SHISA5: variants seen among roughly 807,000 people sequenced by gnomAD.
SHISA5 encodes the protein protein shisa-5.
In SHISA5, 21 loss-of-function variants were observed where a neutral mutation model predicts 27.5. The observed-to-expected ratio is 0.76, with a 90% CI of 0.54 to 1.10. The LOEUF (loss-of-function observed/expected upper bound fraction) is 1.10. Ranked by LOEUF, SHISA5 falls within the 50% of genes least tolerant of loss-of-function variation. The pLI is 0.00. For missense variants in SHISA5, 314 were observed against 336.3 expected, an observed-to-expected ratio of 0.93 and a Z score of 0.52; for synonymous variants, 137 against 142.2, an observed-to-expected ratio of 0.96 and a Z score of 0.26.
chr3:48,501,118 G>T lies in SHISA5; in HGVS notation c.233+19C>A. 6.2e-7 allele frequency: 1 copy of T among 1,601,878 alleles called. No homozygotes were observed. The highest frequency in any genetic ancestry group is 1.1e-5 in the South Asian group (1 of 89,520). On this transcript the variant is annotated intron_variant, in intron 2 of 5. Coordinates refer to ENST00000296444, the MANE Select transcript of SHISA5 (RefSeq NM_016479.6). The stretch of plus-strand genomic sequence containing the variant: ...CACAGGCTCAAGCCACCCACCCTGT[G>T]ACCCACTGGTGCACCCACCTGGCCT...
At chr3:48,478,780 T>C (rs1007359337) in intron 3 of SHISA5, among the ~76,000 whole-genome samples, 4 of 151,986 alleles carry the variant, frequency 2.6e-5, no homozygotes, top group African/African-American at 9.7e-5. Flanking sequence ...CCCATCACCA[T>C]CACCATTGTC....
intron 2 of SHISA5, among the ~76,000 whole-genome samples, chr3:48,494,966 A>G (rs976141524): frequency 1.4e-5 from 2 of 147,016 alleles, no homozygotes; most frequent in Non-Finnish European, 2.9e-5. Context: ...GTATGTAATT[A>G]TATATCTATT....
Position 48,468,994 on chromosome 3 carries a change from G to A in SHISA5, c.*113C>T. ...CACACACAGCACACATGGGGCGTAA[G>A]GAACCGTGCCTGGACACACACAGCA... On this transcript the variant is annotated 3_prime_UTR_variant, in exon 6 of 6. Transcript: ENST00000296444. The A allele has an allele frequency of 3.2e-6, 5 of 1,576,136 alleles. No individual in the cohort carries two copies. Among genetic ancestry groups the A allele is most frequent in the Non-Finnish European group, 4.3e-6 (5 of 1,157,894 alleles).
chr3:48,478,250 C>T (rs754629065), intron 3 of SHISA5, among the ~76,000 whole-genome samples: 5 of 152,156 alleles, frequency 3.3e-5, no homozygotes, highest in Non-Finnish European at 7.4e-5. Flanking sequence ...GGCACAGCTG[C>T]ACTTCTTCCC....
chr3:48,483,533 C>T (rs1027344527), intron 2 of SHISA5, among the ~76,000 whole-genome samples: 2 of 152,206 alleles, frequency 1.3e-5, no homozygotes, highest in African/African-American at 2.4e-5. Flanking sequence ...AATCTTTTCC[C>T]CACCTTTCCC....
At chr3:48,498,484 C>T (rs1006996335) in intron 2 of SHISA5, among the ~76,000 whole-genome samples, 1 of 151,902 alleles carries the variant, frequency 6.6e-6, no homozygotes, top group African/African-American at 2.4e-5. Flanking sequence ...CTCAGTAGTT[C>T]GAGACCAACC....
rs532932970 is a variant in SHISA5 at position 48,470,422 on chromosome 3, A to G, written c.315-579T>C. The stretch of plus-strand genomic sequence containing the variant: ...GGGCAGGGAGGCTGGCCCCTGAGTG[A>G]TAAGGACAGTTGCCTCTGCCTGCAA... On this transcript the variant is annotated intron_variant, in intron 3 of 5. Coordinates refer to ENST00000296444, the MANE Select transcript of SHISA5 (RefSeq NM_016479.6). The surrounding 1 kb of genome is among the most constrained non-coding windows in gnomAD (Gnocchi z 4.3). Among the ~76,000 whole-genome samples, 2 of 152,292 alleles carry G rather than the reference A, an allele frequency of 1.3e-5. No homozygotes were observed. The highest frequency in any genetic ancestry group is 3.9e-4 in the East Asian group (2 of 5,164).
In SHISA5 at chr3:48,468,166, CAT is replaced by C; in HGVS notation, c.*939_*940del. On this transcript the variant is annotated 3_prime_UTR_variant, in exon 6 of 6. Transcript: ENST00000296444. ...AGGGACTCACAGTTGCCAGGTTGTC[CAT>C]CTCTGAGCCAATTTCCCTCCACAAC... 1.0e-6 allele frequency: 1 copy of C among 1,000,086 alleles called. No homozygotes were observed. Among genetic ancestry groups the C allele is most frequent in the Non-Finnish European group, 1.2e-6 (1 of 837,536 alleles). The allele number at this position is 1,000,086 out of a possible 1,614,324, so 62.0% of individuals were successfully genotyped here. A position where few individuals can be genotyped will look rare whatever the true frequency, so the allele number is the denominator to read the frequency against.
At chr3:48,471,554 CAAAA>C (rs1553822500) in intron 3 of SHISA5, among the ~76,000 whole-genome samples, 2 of 16,710 alleles carry the variant, frequency 1.2e-4, no homozygotes, top group Non-Finnish European at 1.1e-4. Flanking sequence ...GACTCTGTCT[CAAAA>C]AAAAAAAAAA....
intron 1 of SHISA5, chr3:48,503,215 T>A (rs1236408625): frequency 7.8e-7 from 1 of 1,280,182 alleles, no homozygotes; most frequent in Non-Finnish European, 1.0e-6. Flanking sequence ...CCGGTGAGGC[T>A]GTTTAGGCTG....
rs956987916 is a variant in SHISA5 at position 48,503,203 on chromosome 3, C to T, written c.76+816G>A. On this transcript the variant is annotated intron_variant, in intron 1 of 5. Coordinates refer to ENST00000296444, the MANE Select transcript of SHISA5 (RefSeq NM_016479.6). ...AGCCTCTGAGCTAGGGCTGAAGACA[C>T]ACCGGTGAGGCTGTTTAGGCTGAGT... 3.1e-6 allele frequency: 4 copies of T among 1,288,578 alleles called. No individual in the cohort carries two copies. In the African/African-American group the frequency reaches 4.6e-5, roughly 15 times the overall value. The allele number at this position is 1,288,578 out of a possible 1,614,324, so 79.8% of individuals were successfully genotyped here.
At chr3:48,477,241 C>T (rs779768829) in intron 3 of SHISA5, 3 of 357,908 alleles carry the variant, frequency 8.4e-6, no homozygotes, top group South Asian at 6.4e-5. Flanking sequence ...ATTACAGGCA[C>T]CCGCCAACAC....
At chr3:48,497,526 G>A (rs962678704) in intron 2 of SHISA5, among the ~76,000 whole-genome samples, 7 of 151,520 alleles carry the variant, frequency 4.6e-5, no homozygotes, top group Admixed American at 4.0e-4. Flanking sequence ...CTCCCAAAGT[G>A]CTGGGATTAC....
chr3:48,477,095 T>TAAC, intron 3 of SHISA5: 1 of 419,704 alleles, frequency 2.4e-6, no homozygotes, highest in South Asian at 1.7e-5. Context: ...CTCAAATCTA[T>TAAC]AACATTGAGA....
chr3:48,498,689 GAAAA>G (rs11294310), intron 2 of SHISA5, among the ~76,000 whole-genome samples: 11 of 80,624 alleles, frequency 1.4e-4, no homozygotes, highest in African/African-American at 4.2e-4. Context: ...TCTCCAGAAA[GAAAA>G]AAAAAAAAAA....
intron 2 of SHISA5, among the ~76,000 whole-genome samples, chr3:48,495,636 C>T (rs1185155451): frequency 6.8e-6 from 1 of 146,790 alleles, no homozygotes; most frequent in Admixed American, 6.6e-5. Context: ...ATTCTCATGC[C>T]TCACCCTCCC....
chr3:48,468,588 C>T lies in SHISA5; in HGVS notation c.*519G>A. ...CAACTTGGCCAGATCCCAAGCTTCG[C>T]CTGCATCATGTCCCTGGCTCTGCAA... On this transcript the variant is annotated 3_prime_UTR_variant, in exon 6 of 6. Transcript: ENST00000296444. 4.2e-6 allele frequency: 5 copies of T among 1,190,750 alleles called. No homozygotes were observed. The highest frequency in any genetic ancestry group is 4.2e-6 in the Non-Finnish European group (4 of 943,142). The allele number at this position is 1,190,750 out of a possible 1,614,324, so 73.8% of individuals were successfully genotyped here.
intron 2 of SHISA5, among the ~76,000 whole-genome samples, chr3:48,493,650 G>C (rs1053565665): frequency 0.011 from 1,467 of 138,050 alleles, 204 homozygotes; most frequent in African/African-American, 0.042. Context: ...CCCTGCCTCA[G>C]CCTCCTGAGT....
At chr3:48,480,370 G>A (rs2040969994) in intron 2 of SHISA5, among the ~76,000 whole-genome samples, 1 of 151,704 alleles carries the variant, frequency 6.6e-6, no homozygotes, top group Non-Finnish European at 1.5e-5. Flanking sequence ...ACCTGGCAGG[G>A]GAGAAGATAT....
Sources: allele counts gnomAD v4.1 joint callset (sites outside exome capture counted in the v4.1 genomes callset), GRCh38; gene constraint gnomAD v4.1.1; non-coding constraint Gnocchi (gnomAD v3.1); transcripts MANE v1.5; gene names NCBI Gene and HGNC (gene_info 2026-07-23, HGNC 2026-07-21).